RGPD2: variants seen among roughly 807,000 people sequenced by gnomAD.
RGPD2 encodes RANBP2-like and GRIP domain-containing protein 2.
RGPD2 carries 2 observed loss-of-function variants against 36.0 expected under a neutral mutation model. The observed-to-expected ratio is 0.06, with a 90% CI of 0.02 to 0.17. The LOEUF (loss-of-function observed/expected upper bound fraction) is 0.17, where lower values mean the gene tolerates loss of function less well. Among genes scored for constraint, RGPD2 ranks in the 10% least tolerant of loss-of-function variants. The pLI, the probability that RGPD2 is intolerant of heterozygous loss-of-function variation, is 1.00. For synonymous variants in RGPD2, 19 were observed against 163.8 expected (o/e 0.12, Z 6.75); for missense variants, 40 against 464.3 (o/e 0.09, Z 8.40).
At chr2:87,846,417 G>C in the RGPD2 span, among the ~76,000 whole-genome samples, 1 of 151,972 alleles carries the variant, frequency 6.6e-6, no homozygotes, top group Non-Finnish European at 1.5e-5. Context: ...TATACATTAT[G>C]ATATTGTTCC....
the RGPD2 span, among the ~76,000 whole-genome samples, chr2:87,839,531 T>C: frequency 6.6e-6 from 1 of 152,142 alleles, no homozygotes; most frequent in East Asian, 1.9e-4. Context: ...TAGATGCCCA[T>C]CAGTGGAGGA....
chr2:87,988,853 T>C, the RGPD2 span, among the ~76,000 whole-genome samples: 1 of 151,892 alleles, frequency 6.6e-6, no homozygotes, highest in Non-Finnish European at 1.5e-5. Flanking sequence ...CATGTCCATA[T>C]ATTATTATAC....
chr2:87,920,361 T>C, the RGPD2 span, among the ~76,000 whole-genome samples: 15 of 151,838 alleles, frequency 9.9e-5, no homozygotes, highest in African/African-American at 3.4e-4. Flanking sequence ...CCACTGACTA[T>C]CTTTTTAAGT....
the RGPD2 span, among the ~76,000 whole-genome samples, chr2:87,985,023 T>C: frequency 1.4e-5 from 2 of 147,206 alleles, no homozygotes; most frequent in South Asian, 4.4e-4. Flanking sequence ...AATTACAGTC[T>C]AGAGTGATTT....
intron 1 of RGPD2, among the ~76,000 whole-genome samples, chr2:87,825,434 CG>C (rs1686690284): frequency 1.6e-5 from 2 of 124,132 alleles, no homozygotes; most frequent in Non-Finnish European, 3.7e-5. Context: ...CCGCCGCCGC[CG>C]CCGCCGCCCG....
At chr2:87,911,205 G>A in the RGPD2 span, among the ~76,000 whole-genome samples, 10 of 126,562 alleles carry the variant, frequency 7.9e-5, no homozygotes, top group East Asian at 1.2e-3. Flanking sequence ...ATGCTGGACC[G>A]TAAACTGAGC....
At chr2:87,915,582 G>GTATA in the RGPD2 span, among the ~76,000 whole-genome samples, 3 of 140,534 alleles carry the variant, frequency 2.1e-5, no homozygotes, top group Non-Finnish European at 4.6e-5. Context: ...ATATGTGTGT[G>GTATA]TATATACACA....
chr2:87,825,002 T>C, intron 1 of RGPD2: 1 of 361,614 alleles, frequency 2.8e-6, no homozygotes, highest in Non-Finnish European at 4.9e-6. Flanking sequence ...TCTTACACTA[T>C]TCCTCATCAC....
At chr2:87,837,311 C>G in the RGPD2 span, among the ~76,000 whole-genome samples, 5 of 151,954 alleles carry the variant, frequency 3.3e-5, no homozygotes, top group African/African-American at 9.7e-5. Flanking sequence ...TGAAATTGAC[C>G]ACACAGTCAT....
the RGPD2 span, among the ~76,000 whole-genome samples, chr2:87,868,785 C>A: frequency 6.6e-6 from 1 of 151,948 alleles, no homozygotes; most frequent in African/African-American, 2.4e-5. Flanking sequence ...AGTCTCTGTG[C>A]AAATACCTCT....
chr2:87,769,256 C>T (rs1384158006), intron 22 of RGPD2, among the ~76,000 whole-genome samples: 2 of 150,040 alleles, frequency 1.3e-5, no homozygotes, highest in East Asian at 3.9e-4. Context: ...TGTGAGCCAC[C>T]GTGCCAGGCC....
the RGPD2 span, among the ~76,000 whole-genome samples, chr2:87,936,994 G>A: frequency 6.9e-6 from 1 of 145,606 alleles, no homozygotes; most frequent in Non-Finnish European, 1.5e-5. Flanking sequence ...CTGGACTGTT[G>A]GAAGCACTAT....
At chr2:87,831,555 G>A in the RGPD2 span, among the ~76,000 whole-genome samples, 1 of 151,222 alleles carries the variant, frequency 6.6e-6, no homozygotes, top group African/African-American at 2.4e-5. Context: ...TAAAAAAATA[G>A]CTGTGATTTG....
chr2:87,885,345 C>T, the RGPD2 span, among the ~76,000 whole-genome samples: 1 of 152,076 alleles, frequency 6.6e-6, no homozygotes, highest in Non-Finnish European at 1.5e-5. Context: ...TAAAGAAGGA[C>T]TATTCCTCAA....
At chr2:87,849,444 A>G in the RGPD2 span, among the ~76,000 whole-genome samples, 1 of 152,214 alleles carries the variant, frequency 6.6e-6, no homozygotes, top group African/African-American at 2.4e-5. Flanking sequence ...GTCATTTATT[A>G]ATTTTGAGAT....
At chr2:87,905,138 T>C in the RGPD2 span, among the ~76,000 whole-genome samples, 1 of 152,156 alleles carries the variant, frequency 6.6e-6, no homozygotes, top group Non-Finnish European at 1.5e-5. Context: ...CTCACAGTCA[T>C]AGGCCATGGC....
the RGPD2 span, among the ~76,000 whole-genome samples, chr2:87,856,707 A>T: frequency 5.3e-5 from 8 of 152,194 alleles, no homozygotes; most frequent in Non-Finnish European, 1.2e-4. Flanking sequence ...TTCTAACATC[A>T]CTTCCCTAAA....
chr2:87,957,851 C>A, the RGPD2 span, among the ~76,000 whole-genome samples: 1 of 152,300 alleles, frequency 6.6e-6, no homozygotes, highest in African/African-American at 2.4e-5. Context: ...ATCATTGCTT[C>A]ATTCAAAAGA....
chr2:87,834,023 T>C, the RGPD2 span, among the ~76,000 whole-genome samples: 1 of 71,968 alleles, frequency 1.4e-5, no homozygotes, highest in African/African-American at 5.5e-5. Context: ...CTGTCATGAA[T>C]ATAGATGCAA....
Sources: allele counts gnomAD v4.1 joint callset (sites outside exome capture counted in the v4.1 genomes callset), GRCh38; gene constraint gnomAD v4.1.1; transcripts MANE v1.5; gene names NCBI Gene and HGNC (gene_info 2026-07-23, HGNC 2026-07-21).